MTM1: variants seen among roughly 807,000 people sequenced by gnomAD.
The protein encoded by MTM1 is myotubularin.
Under a neutral mutation model 52.1 loss-of-function variants are expected in MTM1, and 9 were observed. The ratio of observed to expected loss-of-function variants is 0.17; its 90% CI spans 0.10 to 0.30. MTM1 has a LOEUF of 0.30. Ranked by LOEUF, MTM1 falls within the 10% of genes least tolerant of loss-of-function variation. The pLI is 1.00. For synonymous variants in MTM1, 136 were observed against 163.8 expected (o/e 0.83, Z 1.29); for missense variants, 277 against 470.7 (o/e 0.59, Z 3.81).
upstream of MTM1, among the ~76,000 whole-genome samples, chrX:150,566,126 T>C (rs2038259588): frequency 9.0e-6 from 1 of 110,723 alleles, no homozygotes. Flanking sequence ...CCCTCCATAG[T>C]GTACAACCTT....
intron 10 of MTM1, among the ~76,000 whole-genome samples, chrX:150,650,447 C>A (rs1557414155): frequency 1.8e-5 from 2 of 111,659 alleles, no homozygotes; most frequent in African/African-American, 6.5e-5. Flanking sequence ...TGTACACAAA[C>A]AAAAAGTCAG....
chrX:150,583,655 T>A (rs372550907), intron 1 of MTM1, among the ~76,000 whole-genome samples: 1 of 38,761 alleles, frequency 2.6e-5, no homozygotes, highest in Non-Finnish European at 4.1e-5. Context: ...AATTTATATA[T>A]ATTATATATA....
intron 1 of MTM1, among the ~76,000 whole-genome samples, chrX:150,572,728 T>C (rs782812211): frequency 1.8e-5 from 2 of 112,334 alleles, no homozygotes; most frequent in African/African-American, 6.5e-5. Context: ...CTTGTGCTTC[T>C]GGGGTTAGAA....
upstream of MTM1, among the ~76,000 whole-genome samples, chrX:150,563,776 C>T (rs1569565245): frequency 9.1e-6 from 1 of 110,335 alleles, no homozygotes; most frequent in Non-Finnish European, 1.9e-5. Context: ...ATCCCAGCTA[C>T]TTGGGAAGCT....
chrX:150,653,882 A>G (rs782130410), intron 10 of MTM1, among the ~76,000 whole-genome samples: 11 of 112,049 alleles, frequency 9.8e-5, no homozygotes, highest in Non-Finnish European at 2.1e-4. Context: ...CATTGAGCCT[A>G]TGCTCAATGT....
intron 6 of MTM1, among the ~76,000 whole-genome samples, chrX:150,619,905 AAGGTGATGGAAGGGACCCTTAAGTAGAAG>A (rs1359934600): frequency 8.9e-6 from 1 of 111,741 alleles, no homozygotes; most frequent in Non-Finnish European, 1.9e-5. Flanking sequence ...GACTAAACCG[AAGGTGATGGAAGGGACCCTTAAGTAGAAG>A]AGGCATGTGT....
chrX:150,601,093 A>ATGTATTACT (rs1291773169), intron 4 of MTM1, among the ~76,000 whole-genome samples: 1 of 112,086 alleles, frequency 8.9e-6, no homozygotes, highest in Admixed American at 9.5e-5. Context: ...CAGAATGAAC[A>ATGTATTACT]TGTATTACTT....
intron 1 of MTM1, among the ~76,000 whole-genome samples, chrX:150,581,776 A>G (rs2038589773): frequency 1.8e-5 from 2 of 111,897 alleles, no homozygotes; most frequent in South Asian, 7.4e-4. Flanking sequence ...CACCTTTGAC[A>G]GTTATTAGCA....
chrX:150,579,743 C>T (rs2038546809), intron 1 of MTM1, among the ~76,000 whole-genome samples: 1 of 110,314 alleles, frequency 9.1e-6, no homozygotes, highest in Admixed American at 9.7e-5. Flanking sequence ...CTCAAGTAGT[C>T]CTCCTGCCTC....
upstream of MTM1, among the ~76,000 whole-genome samples, chrX:150,567,441 A>G (rs1383830258): frequency 8.9e-6 from 1 of 112,319 alleles, no homozygotes; most frequent in African/African-American, 3.2e-5. Flanking sequence ...CACATACAAG[A>G]GAAAAAAAAC....
upstream of MTM1, among the ~76,000 whole-genome samples, chrX:150,564,034 T>A (rs376212291): frequency 8.9e-5 from 10 of 111,910 alleles, no homozygotes; most frequent in South Asian, 3.7e-3. Context: ...ACACAGAACA[T>A]TTCTATCAAT....
At chrX:150,572,815 G>A (rs12014648) in intron 1 of MTM1, among the ~76,000 whole-genome samples, 24,570 of 111,930 alleles carry the variant, frequency 0.22, 3,203 homozygotes, top group African/African-American at 0.5. Context: ...GCTGGAACAG[G>A]GCAGGCTCCT....
chrX:150,584,851 A>G (rs1369775065), intron 1 of MTM1, among the ~76,000 whole-genome samples: 1 of 111,761 alleles, frequency 8.9e-6, no homozygotes, highest in Non-Finnish European at 1.9e-5. Flanking sequence ...AATACCTAAT[A>G]CAATGGAAAT....
chrX:150,581,412 G>A (rs191535852), intron 1 of MTM1, among the ~76,000 whole-genome samples: 2 of 111,520 alleles, frequency 1.8e-5, no homozygotes, highest in East Asian at 5.6e-4. Context: ...GGTGTTTTGT[G>A]CACTAGTAAT....
chrX:150,664,303 T>C (rs782577403), intron 14 of MTM1, among the ~76,000 whole-genome samples: 2 of 113,004 alleles, frequency 1.8e-5, no homozygotes, highest in South Asian at 7.2e-4. Flanking sequence ...GGTTTGCACA[T>C]TTTCCTGCAG....
chrX:150,631,690 A>AAAAAAAAAAAAAAAAAT (rs1569565474), intron 6 of MTM1, among the ~76,000 whole-genome samples: 1 of 108,984 alleles, frequency 9.2e-6, no homozygotes, highest in African/African-American at 3.3e-5. Context: ...AAAAAAAAAA[A>AAAAAAAAAAAAAAAAAT]AACAAATAAA....
At position 150,590,765 on chromosome X, in the gene MTM1, C is replaced by A. The variant is rs782675571; in HGVS notation, c.-10-1840C>A. Among the ~76,000 whole-genome samples, 328 of 111,649 alleles carry A rather than the reference C, an allele frequency of 2.9e-3. 2 individuals carry two copies. Among genetic ancestry groups the A allele is most frequent in the Non-Finnish European group, 4.9e-3 (258 of 53,065 alleles). On this transcript the variant is annotated intron_variant, in intron 1 of 14. Coordinates refer to ENST00000370396, the MANE Select transcript of MTM1 (RefSeq NM_000252.3). ...ACGTTGACTGAGTTGACTGTACAAC[C>A]AGGATTTTAGATTTTTTCTACTGAC...
intron 8 of MTM1, among the ~76,000 whole-genome samples, chrX:150,643,640 AAACAACTTCCCAT>A (rs1557413896): frequency 3.6e-5 from 4 of 112,157 alleles, no homozygotes; most frequent in Non-Finnish European, 7.5e-5. Context: ...AATATCTTGT[AAACAACTTCCCAT>A]GTTGCTAAAT....
chrX:150,578,328 G>A (rs1206505384), intron 1 of MTM1, among the ~76,000 whole-genome samples: 2 of 111,652 alleles, frequency 1.8e-5, no homozygotes, highest in African/African-American at 6.5e-5. Flanking sequence ...CTCTGAATGA[G>A]CTTGGAAGCA....
Sources: allele counts gnomAD v4.1 joint callset (sites outside exome capture counted in the v4.1 genomes callset), GRCh38; gene constraint gnomAD v4.1.1; transcripts MANE v1.5; gene names NCBI Gene and HGNC (gene_info 2026-07-23, HGNC 2026-07-21).